HDGF: variants seen among roughly 807,000 people sequenced by gnomAD.
HDGF encodes the protein heparin binding growth factor, also known as hepatoma-derived growth factor.
In HDGF, 5 loss-of-function variants were observed where a neutral mutation model predicts 30.0. The observed-to-expected ratio is 0.17, with a 90% CI of 0.09 to 0.35. The LOEUF is 0.35. Ranked by LOEUF, HDGF falls within the 10% of genes least tolerant of loss-of-function variation. The probability of loss-of-function intolerance (pLI) is 1.00; values close to 1 mark genes in which losing one functional copy is unlikely to be tolerated. For missense variants in HDGF, 214 were observed against 302.8 expected (o/e 0.71, Z 2.18); for synonymous variants, 133 against 112.7 (o/e 1.18, Z -1.14).
At chr1:156,758,403 A>C (rs12354190) in intron 2 of HDGF, among the ~76,000 whole-genome samples, 6,593 of 152,028 alleles carry the variant, frequency 0.043, 181 homozygotes, top group African/African-American at 0.069. Context: ...CATCCTGGCT[A>C]ACACGGTGAA....
intron 1 of HDGF, among the ~76,000 whole-genome samples, chr1:156,762,628 T>A (rs6668350): frequency 0.042 from 6,454 of 152,074 alleles, 475 homozygotes; most frequent in African/African-American, 0.15. Flanking sequence ...CCCAGCACTT[T>A]GGGAGGCTGA....
chr1:156,759,178 G>C (rs559370280), exon 2 of HDGF: 37 of 152,236 alleles, frequency 2.4e-4, no homozygotes, highest in Admixed American at 2.1e-3. Flanking sequence ...TTTAAAATCT[G>C]GTTTAACGTT....
chr1:156,756,288 C>T (rs780447975), upstream of HDGF, among the ~76,000 whole-genome samples: 1 of 152,112 alleles, frequency 6.6e-6, no homozygotes, highest in Non-Finnish European at 1.5e-5. Flanking sequence ...GTTCTTTGCA[C>T]AGAGCCTGGG....
upstream of HDGF, among the ~76,000 whole-genome samples, chr1:156,756,266 T>C (rs953142434): frequency 2.0e-5 from 3 of 152,064 alleles, no homozygotes; most frequent in Non-Finnish European, 4.4e-5. Context: ...AATAAATAAA[T>C]AAATAAATAA....
At chr1:156,758,317 C>T (rs1174490594) in intron 2 of HDGF, among the ~76,000 whole-genome samples, 3 of 134,814 alleles carry the variant, frequency 2.2e-5, no homozygotes, top group Admixed American at 1.5e-4. Flanking sequence ...ATAGGCCAGG[C>T]GCGGTGGCTC....
chr1:156,762,208 T>G, intron 1 of HDGF, among the ~76,000 whole-genome samples: 1 of 135,570 alleles, frequency 7.4e-6, no homozygotes. Context: ...GGATAAACAA[T>G]AGGAAAACAA....
chr1:156,744,420 T>G, intron 3 of HDGF, 72 bp from the exon 4 acceptor site: 1 of 1,552,354 alleles, frequency 6.4e-7, no homozygotes, highest in Non-Finnish European at 8.8e-7. Context: ...AGACCCTCCC[T>G]CAGCCACTCA....
chr1:156,751,614 G>A lies in HDGF; in HGVS notation c.-185C>T. ...GCCCGCGCGCCGCACGGACGGGGCG[G>A]GCGCGGATCGGGGCAAGGCTCCGGC... On this transcript the variant is annotated 5_prime_UTR_variant, in exon 1 of 6. Transcript: ENST00000357325. The surrounding 1 kb of genome is among the most constrained non-coding windows in gnomAD (Gnocchi z 4.7). 1.0e-6 allele frequency: 1 copy of A among 984,956 alleles called. No individual in the cohort carries two copies. Among genetic ancestry groups the A allele is most frequent in the Non-Finnish European group, 1.2e-6 (1 of 830,438 alleles). The allele number at this position is 984,956 out of a possible 1,614,324, so 61.0% of individuals were successfully genotyped here.
chr1:156,753,384 TTACTC>T (rs1651081214), upstream of HDGF, among the ~76,000 whole-genome samples: 2 of 152,202 alleles, frequency 1.3e-5, 1 homozygote, highest in South Asian at 4.1e-4. Context: ...TAGTTGGTGT[TTACTC>T]TACAATGCAT....
chr1:156,754,135 C>T (rs949401778), upstream of HDGF, among the ~76,000 whole-genome samples: 15 of 152,220 alleles, frequency 9.9e-5, no homozygotes, highest in East Asian at 3.9e-4. Context: ...AGGCTGGTCT[C>T]GAACTCCTGA....
chr1:156,743,477 G>A (rs780792261), intron 5 of HDGF, 22 bp from the exon 6 acceptor site: 5 of 1,535,288 alleles, frequency 3.3e-6, no homozygotes, highest in Non-Finnish European at 3.5e-6. Flanking sequence ...GGTTGGAGGG[G>A]AGAAGGGTTA....
intron 1 of HDGF, among the ~76,000 whole-genome samples, chr1:156,761,646 AAAAT>A (rs1180128974): frequency 1.4e-5 from 2 of 144,582 alleles, no homozygotes; most frequent in Non-Finnish European, 3.0e-5. Context: ...AAAAACCATA[AAAAT>A]AAATAAATTA....
chr1:156,743,776 T>A lies in HDGF; in HGVS notation c.592A>T (p.Asn198Tyr). ...GAGCCGGGCTCAGAGGGGGTGCTAT[T>A]CTTTTCCACCTCCATAGGAAGGGGC... ...ERPLPMEVEK[N>Y]STPSEPGSGR... Residue 198 changes from asparagine (N) to tyrosine (Y), a missense_variant, in exon 5 of 6, where the codon AAT (asparagine) becomes TAT (tyrosine). Transcript: ENST00000357325. 6.2e-7 allele frequency: 1 copy of A among 1,603,486 alleles called. No homozygotes were observed.
chr1:156,761,044 A>G (rs926837679), intron 1 of HDGF, among the ~76,000 whole-genome samples: 2 of 151,936 alleles, frequency 1.3e-5, no homozygotes, highest in Non-Finnish European at 2.9e-5. Context: ...ACAGGCAGGG[A>G]TCACGCCTGT....
chr1:156,746,501 G>A (rs1650555621), intron 1 of HDGF, among the ~76,000 whole-genome samples: 1 of 152,196 alleles, frequency 6.6e-6, no homozygotes, highest in Non-Finnish European at 1.5e-5. Flanking sequence ...CAAGTGATTT[G>A]CCCAAAATAA....
At chr1:156,765,087 C>A (rs1370217222) in intron 1 of HDGF, among the ~76,000 whole-genome samples, 1 of 151,196 alleles carries the variant, frequency 6.6e-6, no homozygotes, top group Non-Finnish European at 1.5e-5. Context: ...ATCCGCGCCC[C>A]CCCCGCCCTT....
chr1:156,751,565 C>T lies in HDGF; in HGVS notation c.-136G>A. ...CCTCGATGGTGGCCCCCGGCCCGAG[C>T]TCCGGCGCGGCCACGGCGTCTCCGC... is the stretch of plus-strand genomic sequence containing the variant. On this transcript the variant is annotated 5_prime_UTR_variant, in exon 1 of 6. Coordinates refer to ENST00000357325, the MANE Select transcript of HDGF (RefSeq NM_004494.3). This position sits in a 1 kb window ranked among gnomAD's most constrained non-coding sequence, Gnocchi z 4.7. The T allele has an allele frequency of 1.0e-6, 1 of 988,364 alleles. No individual in the cohort carries two copies. The highest frequency in any genetic ancestry group is 1.2e-6 in the Non-Finnish European group (1 of 832,570). 61.2% of individuals were successfully genotyped at this position (988,364 alleles called of 1,614,324 possible).
chr1:156,756,281 C>A (rs1198404258), upstream of HDGF, among the ~76,000 whole-genome samples: 2 of 152,014 alleles, frequency 1.3e-5, no homozygotes, highest in African/African-American at 4.8e-5. Flanking sequence ...AAATAAAGTT[C>A]TTTGCACAGA....
In HDGF at chr1:156,743,330, AGAG is replaced by A; in HGVS notation, c.*116_*118del. The A allele has an allele frequency of 3.7e-6, 4 of 1,079,578 alleles. No homozygotes were observed. The highest frequency in any genetic ancestry group is 2.6e-5 in the East Asian group (1 of 39,024). The allele number at this position is 1,079,578 out of a possible 1,614,324, so 66.9% of individuals were successfully genotyped here. A position where few individuals can be genotyped will look rare whatever the true frequency, so the allele number is the denominator to read the frequency against. On this transcript the variant is annotated 3_prime_UTR_variant, in exon 6 of 6. Transcript: ENST00000357325. ...GCTTGGAGTGGGAAAAGTGAGTAGA[AGAG>A]GAGAGCAGGTTGGGGTGGGAAAGGG...
Sources: allele counts gnomAD v4.1 joint callset (sites outside exome capture counted in the v4.1 genomes callset), GRCh38; gene constraint gnomAD v4.1.1; non-coding constraint Gnocchi (gnomAD v3.1); transcripts MANE v1.5; gene names NCBI Gene and HGNC (gene_info 2026-07-23, HGNC 2026-07-21).